Variants in ST6GALNAC5 observed in about 807,000 individuals in gnomAD.
The protein encoded by ST6GALNAC5 is ST6 N-acetylgalactosaminide alpha-2,6-sialyltransferase 5.
Under a neutral mutation model 33.6 loss-of-function variants are expected in ST6GALNAC5, and 27 were observed. The ratio of observed to expected loss-of-function variants is 0.80; its 90% confidence interval spans 0.59 to 1.11. The LOEUF (loss-of-function observed/expected upper bound fraction) is 1.11. ST6GALNAC5 is among the 50% of genes least tolerant of loss of function. The probability of loss-of-function intolerance (pLI) is 0.00; values close to 1 mark genes in which losing one functional copy is unlikely to be tolerated. For missense variants in ST6GALNAC5, 428 were observed against 454.0 expected, an observed-to-expected ratio of 0.94 and a Z score of 0.52; for synonymous variants, 194 against 171.2, an observed-to-expected ratio of 1.13 and a Z score of -1.04.
intron 2 of ST6GALNAC5, among the ~76,000 whole-genome samples, chr1:76,925,597 T>C (rs1647078287): frequency 6.6e-6 from 1 of 152,068 alleles, no homozygotes; most frequent in Admixed American, 6.6e-5. Context: ...GGCAAATATT[T>C]GATACTTCGT....
At chr1:76,872,121 C>G (rs1410723606) in intron 2 of ST6GALNAC5, among the ~76,000 whole-genome samples, 2 of 127,720 alleles carry the variant, frequency 1.6e-5, no homozygotes, top group Non-Finnish European at 3.2e-5. Context: ...ACACACACCA[C>G]ACACATTAAA....
intron 2 of ST6GALNAC5, among the ~76,000 whole-genome samples, chr1:76,949,261 C>T (rs1264034959): frequency 6.6e-6 from 1 of 152,108 alleles, no homozygotes; most frequent in Non-Finnish European, 1.5e-5. Context: ...TCGTTTCTTC[C>T]CGAGGCCAAT....
chr1:76,998,241 T>C (rs969192464), intron 2 of ST6GALNAC5, among the ~76,000 whole-genome samples: 6 of 151,524 alleles, frequency 4.0e-5, no homozygotes, highest in Non-Finnish European at 5.9e-5. Flanking sequence ...AAAATGAAAA[T>C]AAAAAATTAG....
chr1:77,045,723 A>G (rs933535375), intron 3 of ST6GALNAC5, among the ~76,000 whole-genome samples: 1 of 152,206 alleles, frequency 6.6e-6, no homozygotes, highest in African/African-American at 2.4e-5. Context: ...GTGAGAGAAC[A>G]TGCAGTGGGT....
intron 2 of ST6GALNAC5, among the ~76,000 whole-genome samples, chr1:77,011,719 AATG>A (rs1424156209): frequency 6.6e-5 from 10 of 152,066 alleles, no homozygotes; most frequent in Non-Finnish European, 1.2e-4. Context: ...ATATAGTGAT[AATG>A]ATAATACAGT....
chr1:76,933,763 C>CAAAA (rs35621324), intron 2 of ST6GALNAC5, among the ~76,000 whole-genome samples: 74 of 67,578 alleles, frequency 1.1e-3, no homozygotes, highest in African/African-American at 3.6e-3. Context: ...TTTTCTCTGC[C>CAAAA]AAAAAAAAAA....
intron 2 of ST6GALNAC5, among the ~76,000 whole-genome samples, chr1:77,036,801 A>G (rs1004124232): frequency 3.3e-5 from 5 of 152,266 alleles, no homozygotes; most frequent in African/African-American, 9.6e-5. Context: ...TGAATAACAC[A>G]AAGTCCCTCC....
At chr1:77,015,038 C>T (rs1650771235) in intron 2 of ST6GALNAC5, among the ~76,000 whole-genome samples, 1 of 135,560 alleles carries the variant, frequency 7.4e-6, no homozygotes, top group African/African-American at 3.0e-5. Flanking sequence ...AACAATAGGA[C>T]ACTCGCACAC....
chr1:76,954,337 A>G (rs56249156), intron 2 of ST6GALNAC5, among the ~76,000 whole-genome samples: 12,533 of 152,170 alleles, frequency 0.082, 704 homozygotes, highest in Middle Eastern at 0.13. Context: ...ATAAGAACAC[A>G]TGGACACATG....
intron 2 of ST6GALNAC5, among the ~76,000 whole-genome samples, chr1:77,009,585 A>G (rs545352328): frequency 5.3e-5 from 8 of 152,272 alleles, no homozygotes; most frequent in Admixed American, 3.9e-4. Flanking sequence ...GACATCAACT[A>G]TAACACAAGG....
At chr1:76,947,892 A>G (rs1647586844) in intron 2 of ST6GALNAC5, among the ~76,000 whole-genome samples, 1 of 152,164 alleles carries the variant, frequency 6.6e-6, no homozygotes, top group Admixed American at 6.6e-5. Context: ...GGATTGCCAG[A>G]CAAATGCAAA....
chr1:76,916,926 A>G (rs929812148), intron 2 of ST6GALNAC5, among the ~76,000 whole-genome samples: 7 of 152,208 alleles, frequency 4.6e-5, no homozygotes, highest in African/African-American at 1.7e-4. Flanking sequence ...AAAATTGAGT[A>G]TAAATATCAA....
intron 2 of ST6GALNAC5, among the ~76,000 whole-genome samples, chr1:76,979,079 C>T (rs1249849083): frequency 6.6e-6 from 1 of 151,700 alleles, no homozygotes; most frequent in Non-Finnish European, 1.5e-5. Context: ...TGAAAGATCC[C>T]TATAGTAAAA....
chr1:77,007,567 A>T (rs1310235352), intron 2 of ST6GALNAC5, among the ~76,000 whole-genome samples: 1 of 152,226 alleles, frequency 6.6e-6, no homozygotes, highest in Non-Finnish European at 1.5e-5. Context: ...TTGTTTAAAG[A>T]GGAAGAAGTT....
chr1:76,956,699 A>T (rs1009509180), intron 2 of ST6GALNAC5, among the ~76,000 whole-genome samples: 9 of 152,130 alleles, frequency 5.9e-5, no homozygotes, highest in Admixed American at 2.6e-4. Context: ...CCCTCCACTC[A>T]CTTCTACTGA....
chr1:76,988,073 T>A (rs1649582997), intron 2 of ST6GALNAC5, among the ~76,000 whole-genome samples: 1 of 152,036 alleles, frequency 6.6e-6, no homozygotes, highest in Non-Finnish European at 1.5e-5. Context: ...TTAAAAAAAT[T>A]TTTTTTTCTT....
At chr1:76,966,010 C>A (rs1027023278) in intron 2 of ST6GALNAC5, among the ~76,000 whole-genome samples, 4 of 152,136 alleles carry the variant, frequency 2.6e-5, no homozygotes, top group Non-Finnish European at 2.9e-5. Flanking sequence ...GTTACTGTAG[C>A]CTTGTAGTAG....
At chr1:76,929,926 C>T (rs147436803) in intron 2 of ST6GALNAC5, among the ~76,000 whole-genome samples, 2,078 of 152,066 alleles carry the variant, frequency 0.014, 47 homozygotes, top group African/African-American at 0.047. Flanking sequence ...GCCTAGGCAA[C>T]ATAATGATAC....
intron 2 of ST6GALNAC5, among the ~76,000 whole-genome samples, chr1:76,934,916 AG>A (rs1647184781): frequency 6.6e-6 from 1 of 152,120 alleles, no homozygotes. Context: ...AATATTTAAA[AG>A]CTATATACAG....
Sources: gnomAD v4.1 joint callset for allele counts (sites outside exome capture counted in the v4.1 genomes callset) on GRCh38, gnomAD v4.1.1 for gene constraint, MANE v1.5 for transcripts, NCBI Gene and HGNC (gene_info 2026-07-23, HGNC 2026-07-21) for gene names.